The following CLIC4 variants were observed in gnomAD, a reference collection of about 807,000 sequenced individuals.
CLIC4 encodes the protein chloride intracellular channel protein 4.
CLIC4 carries 13 observed loss-of-function variants against 24.6 expected under a neutral mutation model. The ratio of observed to expected loss-of-function variants is 0.53; its 90% CI spans 0.34 to 0.84. The LOEUF (loss-of-function observed/expected upper bound fraction) is 0.84. CLIC4 is among the 40% of genes least tolerant of loss of function. CLIC4 has a pLI of 0.01. For missense variants in CLIC4, 227 were observed against 301.7 expected (o/e 0.75, Z 1.83); for synonymous variants, 104 against 111.3 (o/e 0.93, Z 0.41).
At chr1:24,764,424 A>G (rs1171891988) in intron 1 of CLIC4, among the ~76,000 whole-genome samples, 1 of 151,372 alleles carries the variant, frequency 6.6e-6, no homozygotes, top group Non-Finnish European at 1.5e-5. Flanking sequence ...TAATCCCAGC[A>G]CTTTGGGAGG....
chr1:24,811,147 C>T (rs1309634575), intron 2 of CLIC4, among the ~76,000 whole-genome samples: 1 of 151,772 alleles, frequency 6.6e-6, no homozygotes, highest in African/African-American at 2.4e-5. Flanking sequence ...CTACTTATTA[C>T]CATAAAACAT....
chr1:24,779,756 A>T (rs2124111137), intron 1 of CLIC4, among the ~76,000 whole-genome samples: 1 of 152,162 alleles, frequency 6.6e-6, no homozygotes, highest in South Asian at 2.1e-4. Context: ...CCACATCCAA[A>T]CCATCCACGC....
At chr1:24,781,149 T>G (rs1247195059) in intron 1 of CLIC4, among the ~76,000 whole-genome samples, 1 of 149,744 alleles carries the variant, frequency 6.7e-6, no homozygotes, top group African/African-American at 2.4e-5. Context: ...TTTTTTTTTT[T>G]TTTGAGACAG....
chr1:24,786,551 T>C (rs1307717437), intron 1 of CLIC4, among the ~76,000 whole-genome samples: 1 of 152,234 alleles, frequency 6.6e-6, no homozygotes, highest in Non-Finnish European at 1.5e-5. Flanking sequence ...TAGAGATTCA[T>C]TGTTATTTCT....
rs1426884471 is a variant in CLIC4, at chr1:24,839,863, T to C, written c.419T>C (p.Leu140Pro). Residue 140 changes from leucine to proline, a missense_variant, in exon 5 of 6, where the codon CTG becomes CCG. Physicochemically the swap from Leu to Pro is moderately conservative, Grantham distance 98. Transcript: ENST00000374379. ...ATCTCTTTTTTTCCCCCCCAAGCAC[T>C]GGAGAGGGGTCTCCTGAAAACCCTG... Reference protein sequence around the residue: ...KNSRPEANEALERGLLKTLQK... With the variant: ...KNSRPEANEAPERGLLKTLQK... The C allele has an allele frequency of 6.2e-7, 1 of 1,609,830 alleles. No individual in the cohort carries two copies. Among genetic ancestry groups the C allele is most frequent in the Non-Finnish European group, 8.5e-7 (1 of 1,178,844 alleles).
intron 1 of CLIC4, among the ~76,000 whole-genome samples, chr1:24,758,815 A>AT (rs1363443468): frequency 9.3e-5 from 14 of 151,290 alleles, no homozygotes; most frequent in Admixed American, 3.9e-4. Context: ...TTTTATTTTT[A>AT]TTTTTTTATT....
At chr1:24,775,337 T>C (rs1394519298) in intron 1 of CLIC4, among the ~76,000 whole-genome samples, 4 of 151,136 alleles carry the variant, frequency 2.6e-5, no homozygotes, top group Non-Finnish European at 4.4e-5. Flanking sequence ...TGTAAATTTG[T>C]CTTTTTTTGG....
chr1:24,752,925 G>C (rs990245884), intron 1 of CLIC4, among the ~76,000 whole-genome samples: 2 of 152,240 alleles, frequency 1.3e-5, no homozygotes, highest in Non-Finnish European at 2.9e-5. Flanking sequence ...GTTTCACCGT[G>C]TTGGTCAGGA....
chr1:24,777,028 G>A (rs759300195), intron 1 of CLIC4, among the ~76,000 whole-genome samples: 10 of 152,184 alleles, frequency 6.6e-5, no homozygotes, highest in Non-Finnish European at 1.0e-4. Flanking sequence ...GACTATTTTT[G>A]TCTTTCTGCT....
chr1:24,750,130 T>G (rs1442958314), intron 1 of CLIC4, among the ~76,000 whole-genome samples: 1 of 152,056 alleles, frequency 6.6e-6, no homozygotes, highest in East Asian at 1.9e-4. Flanking sequence ...CCTGCAGCCC[T>G]AGCCCTAGAG....
chr1:24,780,519 T>C (rs1639189948), intron 1 of CLIC4, among the ~76,000 whole-genome samples: 1 of 152,212 alleles, frequency 6.6e-6, no homozygotes, highest in Non-Finnish European at 1.5e-5. Flanking sequence ...GCTCTTTGCA[T>C]GGCTGTTTCC....
At chr1:24,771,607 A>G (rs1639072140) in intron 1 of CLIC4, among the ~76,000 whole-genome samples, 1 of 152,124 alleles carries the variant, frequency 6.6e-6, no homozygotes, top group South Asian at 2.1e-4. Flanking sequence ...TTTTTGGCAA[A>G]TTGGTGTGCA....
At chr1:24,794,198 A>G (rs1639371142) in intron 1 of CLIC4, among the ~76,000 whole-genome samples, 1 of 152,180 alleles carries the variant, frequency 6.6e-6, no homozygotes, top group Admixed American at 6.5e-5. Context: ...TCCTTTGGGT[A>G]TATACCCAGT....
chr1:24,840,862 G>A lies in CLIC4; in HGVS notation c.687G>A (p.Glu229=). The A allele has an allele frequency of 6.2e-7, 1 of 1,612,902 alleles. No homozygotes were observed. The highest frequency in any genetic ancestry group is 1.1e-5 in the South Asian group (1 of 90,876). Residue 229 remains glutamate (E), a synonymous_variant, in exon 6 of 6, where the codon GAG becomes GAA. Transcript: ENST00000374379. ...RYLTNAYSRD[E]FTNTCPSDKE... ...TAACTAATGCATACAGTAGGGACGAGTTCACCAATACCTGTCCCAGTGATA... is the reference window on the plus strand; with the variant it reads ...TAACTAATGCATACAGTAGGGACGAATTCACCAATACCTGTCCCAGTGATA...
intron 1 of CLIC4, among the ~76,000 whole-genome samples, chr1:24,794,312 G>A (rs138400814): frequency 6.7e-5 from 10 of 149,950 alleles, no homozygotes; most frequent in African/African-American, 1.2e-4. Context: ...CACCAGCAGC[G>A]TATAGTGTTC....
chr1:24,769,196 TATA>T (rs1305254980), intron 1 of CLIC4, among the ~76,000 whole-genome samples: 12 of 152,326 alleles, frequency 7.9e-5, no homozygotes, highest in African/African-American at 2.9e-4. Flanking sequence ...ATCTTTATTT[TATA>T]ATAATGTTAT....
intron 1 of CLIC4, among the ~76,000 whole-genome samples, chr1:24,762,872 G>A (rs910826908): frequency 6.6e-6 from 1 of 152,158 alleles, no homozygotes; most frequent in Non-Finnish European, 1.5e-5. Flanking sequence ...GGATACATAT[G>A]AAGGGAAGGC....
At chr1:24,765,201 T>G (rs1235776845) in intron 1 of CLIC4, among the ~76,000 whole-genome samples, 2 of 152,362 alleles carry the variant, frequency 1.3e-5, no homozygotes, top group South Asian at 2.1e-4. Flanking sequence ...TGGAAAAGCA[T>G]TTCATATTTA....
At chr1:24,757,488 C>G (rs1571229684) in intron 1 of CLIC4, among the ~76,000 whole-genome samples, 1 of 152,024 alleles carries the variant, frequency 6.6e-6, no homozygotes, top group Non-Finnish European at 1.5e-5. Flanking sequence ...GCCTGTAACC[C>G]CAGCACTTTG....
Sources: gnomAD v4.1 joint callset for allele counts (sites outside exome capture counted in the v4.1 genomes callset) on GRCh38, gnomAD v4.1.1 for gene constraint, MANE v1.5 for transcripts, NCBI Gene and HGNC (gene_info 2026-07-23, HGNC 2026-07-21) for gene names.